The following TBCK variants were observed in gnomAD, a reference collection of about 807,000 sequenced individuals.
The protein encoded by TBCK is TBC1 domain containing kinase, also known as TBC domain-containing protein kinase-like protein.
A neutral mutation model predicts 113.4 loss-of-function variants in TBCK; 99 were observed. That is an observed-to-expected ratio of 0.87 (90% CI 0.74 to 1.03). The LOEUF is 1.03. Ranked by LOEUF, TBCK falls within the 50% of genes least tolerant of loss-of-function variation. The pLI is 0.00. For missense variants in TBCK, 1,045 were observed against 1,061.3 expected (o/e 0.98, Z 0.21); for synonymous variants, 369 against 370.8 (o/e 1.00, Z 0.05).
intron 23 of TBCK, among the ~76,000 whole-genome samples, chr4:106,127,074 G>C (rs1291250214): frequency 1.3e-5 from 2 of 152,022 alleles, no homozygotes; most frequent in Non-Finnish European, 2.9e-5. Flanking sequence ...TGGGTGTGGT[G>C]GCATGTGCCT....
In TBCK at chr4:106,247,277, C is replaced by A; in HGVS notation, c.793G>T (p.Asp265Tyr). ...TFHPSKRPTP[D>Y]QLMKDKVFSE... ...AATACTTTGTCCTTCATTAATTGAT[C>A]TGGGGTTGGCCTTGAGAACATTTAA... is the stretch of plus-strand genomic sequence containing the variant. The change falls in exon 10 of 26, where the codon GAT becomes TAT. Residue 265 changes from aspartate to tyrosine, a missense_variant. Transcript: ENST00000394708. 6.2e-7 allele frequency: 1 copy of A among 1,611,514 alleles called. No individual in the cohort carries two copies.
intron 11 of TBCK, 102 bp downstream of exon 11, chr4:106,244,524 A>C: frequency 9.5e-7 from 1 of 1,054,942 alleles, no homozygotes. Flanking sequence ...AAAAACAACC[A>C]ATTTAAAAAA....
At chr4:106,111,505 G>T (rs573899348) in intron 24 of TBCK, among the ~76,000 whole-genome samples, 1 of 152,294 alleles carries the variant, frequency 6.6e-6, no homozygotes, top group South Asian at 2.1e-4. Context: ...TGATTTCATT[G>T]GAAAGTGCTT....
chr4:106,056,565 CTT>C (rs70941235), intron 25 of TBCK, among the ~76,000 whole-genome samples: 6 of 145,858 alleles, frequency 4.1e-5, no homozygotes, highest in Middle Eastern at 3.5e-3. Flanking sequence ...GTATCCATTC[CTT>C]TTTTTTTTTT....
At chr4:106,191,795 A>T (rs1289655250) in intron 22 of TBCK, among the ~76,000 whole-genome samples, 1 of 152,226 alleles carries the variant, frequency 6.6e-6, no homozygotes, top group African/African-American at 2.4e-5. Context: ...ACCAGCTGAC[A>T]CTACATCAAC....
intron 24 of TBCK, among the ~76,000 whole-genome samples, chr4:106,099,569 G>A (rs940663587): frequency 6.6e-6 from 1 of 152,110 alleles, no homozygotes; most frequent in Non-Finnish European, 1.5e-5. Context: ...ATATAAAAAT[G>A]ATGTTTAGAT....
chr4:106,108,055 G>A (rs1243552596), intron 24 of TBCK, among the ~76,000 whole-genome samples: 1 of 152,088 alleles, frequency 6.6e-6, no homozygotes, highest in Non-Finnish European at 1.5e-5. Context: ...GACTGAGCCA[G>A]AAAGAAACTG....
chr4:106,224,282 AT>A (rs1758003693), intron 19 of TBCK, among the ~76,000 whole-genome samples: 1 of 149,388 alleles, frequency 6.7e-6, no homozygotes, highest in Admixed American at 6.8e-5. Context: ...AATACAAAAT[AT>A]TTTAAGTTCT....
chr4:106,106,598 G>C (rs72677317), intron 24 of TBCK, among the ~76,000 whole-genome samples: 18 of 152,306 alleles, frequency 1.2e-4, no homozygotes, highest in Admixed American at 2.0e-4. Context: ...CAAATGTTAA[G>C]GGACTTCATT....
At chr4:106,207,173 C>G (rs1755605019) in intron 20 of TBCK, among the ~76,000 whole-genome samples, 1 of 152,190 alleles carries the variant, frequency 6.6e-6, no homozygotes, top group Non-Finnish European at 1.5e-5. Flanking sequence ...ATGTAAATCA[C>G]ATAACTACCA....
At chr4:106,243,533 A>C (rs193120040) in intron 11 of TBCK, among the ~76,000 whole-genome samples, 48 of 152,268 alleles carry the variant, frequency 3.2e-4, no homozygotes, top group Admixed American at 2.0e-3. Context: ...TGGTATAATC[A>C]AAGTTAACAT....
At chr4:106,229,278 T>G (rs1016850022) in intron 19 of TBCK, among the ~76,000 whole-genome samples, 5 of 152,050 alleles carry the variant, frequency 3.3e-5, no homozygotes, top group Non-Finnish European at 7.4e-5. Context: ...ATTTTTGCTT[T>G]GTTTGCCTCT....
intron 23 of TBCK, chr4:106,163,275 T>C (rs764571595): frequency 5.9e-5 from 9 of 152,280 alleles, no homozygotes; most frequent in Non-Finnish European, 1.3e-4. Context: ...TCAATAAGTC[T>C]CTAGGGAGTT....
chr4:106,071,403 T>C (rs561242034), intron 25 of TBCK, among the ~76,000 whole-genome samples: 77 of 152,300 alleles, frequency 5.1e-4, no homozygotes, highest in Non-Finnish European at 9.1e-4. Context: ...TGTAGTTGTG[T>C]GGTTTTGAGT....
At chr4:106,240,479 G>T (rs1258772342) in intron 12 of TBCK, among the ~76,000 whole-genome samples, 1 of 151,896 alleles carries the variant, frequency 6.6e-6, no homozygotes, top group Non-Finnish European at 1.5e-5. Flanking sequence ...CAGCAATGTT[G>T]CCTGACACAA....
At chr4:106,124,304 C>G (rs1744865023) in intron 23 of TBCK, among the ~76,000 whole-genome samples, 1 of 152,130 alleles carries the variant, frequency 6.6e-6, no homozygotes, top group Admixed American at 6.6e-5. Context: ...CAATGAGATA[C>G]CATCTCACAC....
intron 23 of TBCK, among the ~76,000 whole-genome samples, chr4:106,150,342 A>G (rs1748335487): frequency 6.6e-6 from 1 of 152,168 alleles, no homozygotes; most frequent in South Asian, 2.1e-4. Flanking sequence ...ATGAATAATC[A>G]TTTGTTTAGT....
intron 22 of TBCK, among the ~76,000 whole-genome samples, chr4:106,180,453 G>A (rs1752220145): frequency 6.6e-6 from 1 of 151,788 alleles, no homozygotes; most frequent in African/African-American, 2.4e-5. Flanking sequence ...TGTTACACAG[G>A]TATACATGTG....
At chr4:106,119,978 A>G (rs1358748096) in intron 23 of TBCK, among the ~76,000 whole-genome samples, 6 of 152,220 alleles carry the variant, frequency 3.9e-5, no homozygotes. Flanking sequence ...ATGGCCGAAT[A>G]GGAACAGCTC....
Sources: allele counts gnomAD v4.1 joint callset (sites outside exome capture counted in the v4.1 genomes callset), GRCh38; gene constraint gnomAD v4.1.1; transcripts MANE v1.5; gene names NCBI Gene and HGNC (gene_info 2026-07-23, HGNC 2026-07-21).